The following CNTN4 variants were observed in gnomAD, a reference collection of about 807,000 sequenced individuals.
CNTN4 encodes the protein contactin 4, also known as contactin-4.
Under a neutral mutation model 122.5 loss-of-function variants are expected in CNTN4, and 77 were observed. The observed-to-expected ratio is 0.63, with a 90% confidence interval of 0.52 to 0.76. The LOEUF (loss-of-function observed/expected upper bound fraction) is 0.76, where lower values mean the gene tolerates loss of function less well. CNTN4 is among the 30% of genes least tolerant of loss of function. The pLI is 0.00. For synonymous variants in CNTN4, 512 were observed against 447.0 expected (o/e 1.15, Z -1.83); for missense variants, 1,256 against 1,259.1 (o/e 1.00, Z 0.04).
chr3:2,193,336 T>G (rs1340872232), intron 2 of CNTN4, among the ~76,000 whole-genome samples: 1 of 151,696 alleles, frequency 6.6e-6, no homozygotes, highest in Admixed American at 6.6e-5. Flanking sequence ...ACCTTCTAAC[T>G]TTGAAGGAGA....
At chr3:3,017,564 T>C (rs929618283) in intron 14 of CNTN4, among the ~76,000 whole-genome samples, 1 of 152,184 alleles carries the variant, frequency 6.6e-6, no homozygotes, top group African/African-American at 2.4e-5. Context: ...CTACCCAGAT[T>C]TGAGACCTTT....
At chr3:2,699,800 T>C (rs2086260661) in intron 4 of CNTN4, among the ~76,000 whole-genome samples, 1 of 152,208 alleles carries the variant, frequency 6.6e-6, no homozygotes, top group African/African-American at 2.4e-5. Context: ...AATGATTATC[T>C]GGCTTAGCCT....
At chr3:2,851,845 T>G (rs956979492) in intron 7 of CNTN4, among the ~76,000 whole-genome samples, 1 of 152,142 alleles carries the variant, frequency 6.6e-6, no homozygotes, top group Non-Finnish European at 1.5e-5. Flanking sequence ...ACTTACTAAC[T>G]AAAAAGAAGA....
intron 2 of CNTN4, among the ~76,000 whole-genome samples, chr3:2,319,852 C>T (rs1465542941): frequency 2.0e-5 from 3 of 151,974 alleles, no homozygotes; most frequent in Non-Finnish European, 4.4e-5. Flanking sequence ...ATATAGAGAC[C>T]CTGTAAAAGA....
At chr3:2,416,559 T>C (rs2047420511) in intron 3 of CNTN4, among the ~76,000 whole-genome samples, 1 of 152,228 alleles carries the variant, frequency 6.6e-6, no homozygotes, top group Non-Finnish European at 1.5e-5. Context: ...TGTTGACTCT[T>C]CATGTTTCCT....
intron 4 of CNTN4, among the ~76,000 whole-genome samples, chr3:2,576,641 A>G (rs2079702463): frequency 6.7e-6 from 1 of 150,142 alleles, no homozygotes; most frequent in South Asian, 2.1e-4. Flanking sequence ...TCCATCTCCC[A>G]GGTTCAAGCG....
At chr3:2,747,301 C>T (rs9814592) in intron 6 of CNTN4, among the ~76,000 whole-genome samples, 7,580 of 150,058 alleles carry the variant, frequency 0.051, 696 homozygotes, top group African/African-American at 0.18. Flanking sequence ...CCCAGCTGCT[C>T]GGGAGGCTGA....
At chr3:2,852,952 A>C (rs2093570369) in intron 7 of CNTN4, among the ~76,000 whole-genome samples, 1 of 152,190 alleles carries the variant, frequency 6.6e-6, no homozygotes, top group Non-Finnish European at 1.5e-5. Flanking sequence ...AGTCATTGGG[A>C]AGAATCCACC....
intron 2 of CNTN4, among the ~76,000 whole-genome samples, chr3:2,241,175 T>C (rs1207544223): frequency 6.6e-6 from 1 of 152,158 alleles, no homozygotes; most frequent in Non-Finnish European, 1.5e-5. Context: ...ATTGAGATGA[T>C]ATGAATATGT....
chr3:2,620,387 C>G (rs1287246713), intron 4 of CNTN4, among the ~76,000 whole-genome samples: 1 of 152,092 alleles, frequency 6.6e-6, no homozygotes, highest in African/African-American at 2.4e-5. Flanking sequence ...GTAGTCCCAG[C>G]TACATGGGAG....
intron 2 of CNTN4, among the ~76,000 whole-genome samples, chr3:2,195,638 A>G (rs2037799301): frequency 6.6e-6 from 1 of 152,230 alleles, no homozygotes; most frequent in South Asian, 2.1e-4. Flanking sequence ...GAAATATTCA[A>G]CACCTTTACA....
intron 2 of CNTN4, among the ~76,000 whole-genome samples, chr3:2,315,500 G>A (rs956268467): frequency 6.6e-6 from 1 of 151,358 alleles, no homozygotes; most frequent in African/African-American, 2.4e-5. Flanking sequence ...TTTAATGGTG[G>A]GCTTACGAGA....
At chr3:2,785,881 C>T (rs1178001543) in intron 6 of CNTN4, among the ~76,000 whole-genome samples, 2 of 79,102 alleles carry the variant, frequency 2.5e-5, no homozygotes, top group Admixed American at 2.8e-4. Flanking sequence ...CCCAGAACCA[C>T]CCTGGCCCAC....
chr3:2,300,720 C>T (rs534505470), intron 2 of CNTN4, among the ~76,000 whole-genome samples: 209 of 151,586 alleles, frequency 1.4e-3, no homozygotes, highest in African/African-American at 3.0e-3. Context: ...CACAGGCGCG[C>T]GCCACCATGC....
intron 4 of CNTN4, among the ~76,000 whole-genome samples, chr3:2,594,784 G>C (rs1406756637): frequency 6.6e-6 from 1 of 151,910 alleles, no homozygotes; most frequent in African/African-American, 2.4e-5. Flanking sequence ...GTGTTTGTTT[G>C]TGTGTGTGTG....
intron 23 of CNTN4, among the ~76,000 whole-genome samples, chr3:3,049,206 C>G (rs899575662): frequency 6.6e-6 from 1 of 152,170 alleles, no homozygotes; most frequent in African/African-American, 2.4e-5. Flanking sequence ...CCTCAGCCTC[C>G]CAAGTAGCTG....
chr3:3,023,384 A>G (rs1286214791), intron 14 of CNTN4, among the ~76,000 whole-genome samples: 1 of 152,268 alleles, frequency 6.6e-6, no homozygotes, highest in Non-Finnish European at 1.5e-5. Flanking sequence ...TGACTCAGGG[A>G]ACTTCTCTGG....
intron 14 of CNTN4, among the ~76,000 whole-genome samples, chr3:2,998,248 C>T (rs1332080065): frequency 1.3e-5 from 2 of 152,176 alleles, no homozygotes; most frequent in Non-Finnish European, 2.9e-5. Flanking sequence ...GATGAAGGGA[C>T]ACTCTGATGC....
intron 3 of CNTN4, among the ~76,000 whole-genome samples, chr3:2,565,585 C>T (rs563138343): frequency 1.3e-5 from 2 of 152,226 alleles, no homozygotes; most frequent in African/African-American, 4.8e-5. Flanking sequence ...TCTTTCCTAT[C>T]CAATTGAGCT....
Sources: allele counts gnomAD v4.1 joint callset (sites outside exome capture counted in the v4.1 genomes callset), GRCh38; gene constraint gnomAD v4.1.1; transcripts MANE v1.5; gene names NCBI Gene and HGNC (gene_info 2026-07-23, HGNC 2026-07-21).